IRF5: variants seen among roughly 807,000 people sequenced by gnomAD.
IRF5 encodes interferon regulatory factor 5.
IRF5 carries 24 observed loss-of-function variants against 55.1 expected under a neutral mutation model. That is an observed-to-expected ratio of 0.44 (90% confidence interval 0.32 to 0.61). The LOEUF (loss-of-function observed/expected upper bound fraction) is 0.61, where lower values mean the gene tolerates loss of function less well. Ranked by LOEUF, IRF5 falls within the 20% of genes least tolerant of loss-of-function variation. The pLI is 0.07. For missense variants in IRF5, 499 were observed against 658.5 expected (o/e 0.76, Z 2.65); for synonymous variants, 258 against 260.2 (o/e 0.99, Z 0.08).
intron 1 of IRF5, among the ~76,000 whole-genome samples, chr7:128,941,795 G>A (rs1258069132): frequency 1.3e-5 from 2 of 152,154 alleles, no homozygotes; most frequent in African/African-American, 2.4e-5. Context: ...GCTGCTTGCT[G>A]CTGTTAGCAG....
Position 128,947,909 on chromosome 7 carries a change from G to T in IRF5, c.968G>T (p.Ser323Ile). 3 of 1,614,128 alleles carry T rather than the reference G, an allele frequency of 1.9e-6. No homozygotes were observed. In the South Asian group the frequency reaches 3.3e-5, roughly 18 times the overall value. Residue 323 changes from serine to isoleucine, a missense_variant, in exon 7 of 9, where the codon AGT becomes ATT. Transcript: ENST00000357234. This position sits in a 1 kb window ranked among gnomAD's most constrained non-coding sequence, Gnocchi z 6.5. ...VRFPSPEDIP[S>I]DKQRFYTNQL... Reference sequence around the variant, plus strand: ...TTCCCCAGCCCTGAGGACATCCCCAGTGACAAGCAGCGCTTCTACACGAAC... The same window carrying T: ...TTCCCCAGCCCTGAGGACATCCCCATTGACAAGCAGCGCTTCTACACGAAC...
chr7:128,941,984 C>G, intron 1 of IRF5, 87 bp from the exon 2 acceptor site: 3 of 981,616 alleles, frequency 3.1e-6, no homozygotes, highest in Middle Eastern at 3.4e-4. Flanking sequence ...AGAGACCATC[C>G]TTTGTGGTCC....
rs1237385787 is a variant in IRF5, at chr7:128,949,548, C to T, written c.*730C>T. On this transcript the variant is annotated 3_prime_UTR_variant, in exon 9 of 9. Transcript: ENST00000357234. ...CTTCTGGGCTGATGGGTCAGTTGGGCCTTCATAAACACTCACCTGGCTGGC... is the reference window on the plus strand; with the variant it reads ...CTTCTGGGCTGATGGGTCAGTTGGGTCTTCATAAACACTCACCTGGCTGGC... 2.0e-5 allele frequency: 3 copies of T among 152,064 alleles called. No individual in the cohort carries two copies. The highest frequency in any genetic ancestry group is 7.2e-5 in the African/African-American group (3 of 41,394). The allele number at this position is 152,064 out of a possible 1,614,324, so 9.4% of individuals were successfully genotyped here.
chr7:128,945,093 C>T (rs1796229554), intron 2 of IRF5, among the ~76,000 whole-genome samples: 1 of 152,176 alleles, frequency 6.6e-6, no homozygotes, highest in Admixed American at 6.5e-5. Flanking sequence ...AGGTTTAGCT[C>T]TGAGTGCTTT....
rs1366590423 is a variant in IRF5, at chr7:128,947,042, G to A, written c.467G>A (p.Ser156Asn). Reference sequence around the variant, plus strand: ...CTTCAGCTGCAGAGGATGTTGCCAAGCCTGAGCCTCACAGGTGGGGCCGGG... The same window carrying A: ...CTTCAGCTGCAGAGGATGTTGCCAAACCTGAGCCTCACAGGTGGGGCCGGG... ...EEEELQRMLP[S>N]LSLTDAVQSG... The change falls in exon 5 of 9, where the codon AGC (serine) becomes AAC (asparagine). Residue 156 changes from serine to asparagine, a missense_variant. By Grantham distance (46) the Ser-to-Asn change is conservative. Around this residue, in one of 2 missense-constraint regions of IRF5, gnomAD observed 305 missense variants for 340.2 expected, o/e 0.90. Transcript: ENST00000357234. This position sits in a 1 kb window ranked among gnomAD's most constrained non-coding sequence, Gnocchi z 6.5. The A allele has an allele frequency of 6.2e-7, 1 of 1,614,162 alleles. No homozygotes were observed. Among genetic ancestry groups the A allele is most frequent in the Non-Finnish European group, 8.5e-7 (1 of 1,180,014 alleles).
chr7:128,947,207 C>A lies in IRF5; in HGVS notation c.482-23C>A. On this transcript the variant is annotated intron_variant, in intron 5 of 8. Transcript: ENST00000357234. The surrounding 1 kb of genome is among the most constrained non-coding windows in gnomAD (Gnocchi z 6.5). ...CAGTTCGTGGAGGTGGCACTGACAG[C>A]CGTCCACACGCACTCTCTGTAGATG... 1.9e-6 allele frequency: 3 copies of A among 1,596,662 alleles called. No homozygotes were observed. The highest frequency in any genetic ancestry group is 2.3e-5 in the South Asian group (2 of 88,204).
intron 2 of IRF5, among the ~76,000 whole-genome samples, chr7:128,945,438 C>T (rs1337154923): frequency 2.6e-5 from 4 of 152,214 alleles, no homozygotes; most frequent in Non-Finnish European, 4.4e-5. Context: ...GCTGCCACTC[C>T]ATGAGGTGGG....
intron 1 of IRF5, among the ~76,000 whole-genome samples, chr7:128,939,325 C>T (rs1795897791): frequency 6.6e-6 from 1 of 152,128 alleles, no homozygotes; most frequent in Non-Finnish European, 1.5e-5. Context: ...GGTTTTTCCC[C>T]TGTACCCTGG....
chr7:128,942,439 A>G (rs1796078960), intron 2 of IRF5, among the ~76,000 whole-genome samples, 163 bp downstream of exon 2: 1 of 149,714 alleles, frequency 6.7e-6, no homozygotes, highest in South Asian at 2.1e-4. Context: ...ACGTAGACAC[A>G]GGGTACACCT....
chr7:128,947,722 C>T lies in IRF5; in HGVS notation c.788-7C>T, dbSNP rs754571171. The T allele has an allele frequency of 3.1e-6, 5 of 1,596,126 alleles. No individual in the cohort carries two copies. The highest frequency in any genetic ancestry group is 3.4e-6 in the Non-Finnish European group (4 of 1,174,562). On this transcript the variant is annotated splice_polypyrimidine_tract_variant and splice_region_variant and intron_variant, in intron 6 of 8. Transcript: ENST00000357234. This position sits in a 1 kb window ranked among gnomAD's most constrained non-coding sequence, Gnocchi z 6.5. ...AGGACGGGATGGGCCTGCCTTCTGC[C>T]CCACAGTGACCGACCTGGAGATCAA...
intron 1 of IRF5, among the ~76,000 whole-genome samples, chr7:128,941,782 C>T (rs1030771143): frequency 6.6e-6 from 1 of 152,142 alleles, no homozygotes; most frequent in African/African-American, 2.4e-5. Context: ...CTCTGGCCAA[C>T]GGGCTGCTTG....
At chr7:128,938,761 G>T (rs1795867013) in intron 1 of IRF5, among the ~76,000 whole-genome samples, 1 of 152,126 alleles carries the variant, frequency 6.6e-6, no homozygotes, top group Non-Finnish European at 1.5e-5. Flanking sequence ...AGGCAACAAT[G>T]AAGAGGCTAA....
rs766331114 is a variant in IRF5 at position 128,948,642 on chromosome 7, A to G, written c.1369A>G (p.Ile457Val). The G allele has an allele frequency of 6.2e-7, 1 of 1,614,172 alleles. No individual in the cohort carries two copies. Among genetic ancestry groups the G allele is most frequent in the South Asian group, 1.1e-5 (1 of 91,086 alleles). ...SGELSWSADSIRLQISNPDLK... is the reference protein window; with the variant it reads ...SGELSWSADSVRLQISNPDLK... ...GGAGCTATCTTGGTCAGCTGATAGT[A>G]TCCGGCTACAGATCTCAAACCCAGA... The change falls in exon 9 of 9, where the codon ATC becomes GTC. Residue 457 changes from isoleucine (I) to valine (V), a missense_variant. Transcript: ENST00000357234. The surrounding 1 kb of genome is among the most constrained non-coding windows in gnomAD (Gnocchi z 4.6).
At position 128,948,468 on chromosome 7, in the gene IRF5, G is replaced by A. The variant is rs887957565; in HGVS notation, c.1300-105G>A. The A allele has an allele frequency of 4.8e-5, 73 of 1,515,536 alleles. No homozygotes were observed. The highest frequency in any genetic ancestry group is 8.8e-5 in the Admixed American group (5 of 56,742). 93.9% of individuals were successfully genotyped at this position (1,515,536 alleles called of 1,614,324 possible). ...CCAGAGACCATCAAGGCTCAGAGCCGGAGAATGCGGTCTATTACTCACCCC... is the reference window on the plus strand; with the variant it reads ...CCAGAGACCATCAAGGCTCAGAGCCAGAGAATGCGGTCTATTACTCACCCC... On this transcript the variant is annotated intron_variant, in intron 8 of 8. Transcript: ENST00000357234. The surrounding 1 kb of genome is among the most constrained non-coding windows in gnomAD (Gnocchi z 4.6).
rs777756880 is a variant in IRF5, at chr7:128,948,541, T to G, written c.1300-32T>G. ...CTGGATCTGGCAGCCCTGCCACAGG[T>G]CTCCCTGTCTCATCTCCTCTTTGCC... On this transcript the variant is annotated intron_variant, in intron 8 of 8. Transcript: ENST00000357234. The surrounding 1 kb of genome is among the most constrained non-coding windows in gnomAD (Gnocchi z 4.6). The G allele has an allele frequency of 1.1e-5, 17 of 1,610,600 alleles. No homozygotes were observed. In the South Asian group the frequency reaches 1.6e-4, roughly 16 times the overall value.
Position 128,946,714 on chromosome 7 carries a change from G to C in IRF5, c.447+152G>C. ...TCTCCTGGGATTCTGAACGATAGGA[G>C]CACAGTCCCCACCTGCTCCTTCCCA... On this transcript the variant is annotated intron_variant, in intron 4 of 8. Coordinates refer to ENST00000357234, the MANE Select transcript of IRF5 (RefSeq NM_001098629.3). This position sits in a 1 kb window ranked among gnomAD's most constrained non-coding sequence, Gnocchi z 4.2. 1.5e-6 allele frequency: 1 copy of C among 657,674 alleles called. No homozygotes were observed. Among genetic ancestry groups the C allele is most frequent in the South Asian group, 1.8e-5 (1 of 56,230 alleles). 40.7% of individuals were successfully genotyped at this position (657,674 alleles called of 1,614,324 possible). A position where few individuals can be genotyped will look rare whatever the true frequency, so the allele number is the denominator to read the frequency against.
chr7:128,944,067 T>G (rs1014137338), intron 2 of IRF5, among the ~76,000 whole-genome samples: 2 of 152,254 alleles, frequency 1.3e-5, no homozygotes, highest in Non-Finnish European at 2.9e-5. Flanking sequence ...CATTTTAGTT[T>G]TTTTGCACAT....
At position 128,946,784 on chromosome 7, in the gene IRF5, G is replaced by A. The variant is rs1202895000; in HGVS notation, c.447+222G>A. 4.7e-6 allele frequency: 3 copies of A among 644,766 alleles called. No individual in the cohort carries two copies. The highest frequency in any genetic ancestry group is 8.3e-6 in the Non-Finnish European group (3 of 362,856). 39.9% of individuals were successfully genotyped at this position (644,766 alleles called of 1,614,324 possible). A position where few individuals can be genotyped will look rare whatever the true frequency, so the allele number is the denominator to read the frequency against. On this transcript the variant is annotated intron_variant, in intron 4 of 8. Transcript: ENST00000357234. The surrounding 1 kb of genome is among the most constrained non-coding windows in gnomAD (Gnocchi z 4.2). ...TGTGTGTGACCCACGCAGCAGTTGG[G>A]GCTTGGTAGGTCTGACTCCCTGCAG...
In IRF5 at chr7:128,946,165, C is replaced by A; in HGVS notation, c.385+131C>A. On this transcript the variant is annotated intron_variant, in intron 3 of 8. Transcript: ENST00000357234. The surrounding 1 kb of genome is among the most constrained non-coding windows in gnomAD (Gnocchi z 4.2). ...AGTGGTCCAGGAAACGATGCGGGGG[C>A]TCCCGCTAGGTCATGACACCCAGGG... 1 of 881,918 alleles carries A rather than the reference C, an allele frequency of 1.1e-6. No homozygotes were observed. The highest frequency in any genetic ancestry group is 1.9e-5 in the South Asian group (1 of 53,726). 54.6% of individuals were successfully genotyped at this position (881,918 alleles called of 1,614,324 possible). A position where few individuals can be genotyped will look rare whatever the true frequency, so the allele number is the denominator to read the frequency against.
Sources: allele counts gnomAD v4.1 joint callset (sites outside exome capture counted in the v4.1 genomes callset), GRCh38; gene constraint gnomAD v4.1.1; regional missense constraint gnomAD v4.1.1; non-coding constraint Gnocchi (gnomAD v3.1); transcripts MANE v1.5; gene names NCBI Gene and HGNC (gene_info 2026-07-23, HGNC 2026-07-21).